Variants in PAFAH1B1 observed in about 807,000 individuals in gnomAD.
PAFAH1B1 encodes the protein platelet-activating factor acetylhydrolase IB subunit beta.
In PAFAH1B1, 2 loss-of-function variants were observed where a neutral mutation model predicts 57.5. The observed-to-expected ratio is 0.03, with a 90% CI of 0.01 to 0.11. The LOEUF (loss-of-function observed/expected upper bound fraction) is 0.11, where lower values mean the gene tolerates loss of function less well. Among genes scored for constraint, PAFAH1B1 ranks in the 10% least tolerant of loss-of-function variants. The probability of loss-of-function intolerance (pLI) is 1.00; values close to 1 mark genes in which losing one functional copy is unlikely to be tolerated. For synonymous variants in PAFAH1B1, 152 were observed against 169.6 expected (o/e 0.90, Z 0.81); for missense variants, 257 against 512.0 (o/e 0.50, Z 4.81).
chr17:2,638,311 G>A lies in PAFAH1B1; in HGVS notation c.23G>A (p.Arg8Gln), dbSNP rs372974127. Residue 8 changes from arginine (R) to glutamine (Q), a missense_variant, in exon 2 of 11, where the codon CGA becomes CAA. By Grantham distance (43) the Arg-to-Gln change is conservative. Transcript: ENST00000397195. The stretch of plus-strand genomic sequence containing the variant: ...AAGATGGTGCTGTCCCAGAGACAAC[G>A]AGATGAACTGTAAGTTTCTTTGTTT... MVLSQRQ[R>Q]DELNRAIADY... The A allele has an allele frequency of 3.1e-6, 5 of 1,612,892 alleles. No homozygotes were observed. The highest frequency in any genetic ancestry group is 2.2e-5 in the East Asian group (1 of 44,832).
intron 1 of PAFAH1B1, among the ~76,000 whole-genome samples, chr17:2,623,550 G>A (rs914673329): frequency 2.7e-5 from 4 of 149,048 alleles, no homozygotes; most frequent in African/African-American, 7.4e-5. Flanking sequence ...GAGCCACTGC[G>A]TCTGGCCAAA....
intron 7 of PAFAH1B1, among the ~76,000 whole-genome samples, chr17:2,673,267 G>GA (rs377501834): frequency 6.6e-6 from 1 of 152,300 alleles, no homozygotes; most frequent in East Asian, 1.9e-4. Context: ...CTATGTCCTT[G>GA]AGAAGCATTT....
chr17:2,634,992 G>A (rs758779121), intron 1 of PAFAH1B1, among the ~76,000 whole-genome samples: 14 of 151,876 alleles, frequency 9.2e-5, no homozygotes, highest in Non-Finnish European at 1.8e-4. Flanking sequence ...GTGAAACCCC[G>A]TCTTTACTAA....
chr17:2,648,031 G>A (rs1450169631), intron 2 of PAFAH1B1, among the ~76,000 whole-genome samples: 1 of 151,874 alleles, frequency 6.6e-6, no homozygotes, highest in African/African-American at 2.4e-5. Flanking sequence ...ATAAATAAAG[G>A]AAAGAGGTTT....
chr17:2,622,741 C>T (rs1418878182), intron 1 of PAFAH1B1, among the ~76,000 whole-genome samples: 1 of 152,206 alleles, frequency 6.6e-6, no homozygotes, highest in Non-Finnish European at 1.5e-5. Context: ...AGTAGGGACT[C>T]GTATGGGGGG....
intron 2 of PAFAH1B1, among the ~76,000 whole-genome samples, chr17:2,663,852 A>G (rs1240599305): frequency 6.6e-6 from 1 of 151,848 alleles, no homozygotes; most frequent in Non-Finnish European, 1.5e-5. Flanking sequence ...ATACCACCAC[A>G]CCTGGCTAAT....
intron 7 of PAFAH1B1, chr17:2,673,752 C>T (rs906174953): frequency 5.3e-5 from 17 of 323,430 alleles, no homozygotes; most frequent in Non-Finnish European, 8.8e-5. Flanking sequence ...ACTAGTTTTA[C>T]TCAGATTAGT....
At chr17:2,649,264 G>C (rs897779668) in intron 2 of PAFAH1B1, among the ~76,000 whole-genome samples, 10 of 145,100 alleles carry the variant, frequency 6.9e-5, no homozygotes, top group Admixed American at 7.0e-5. Flanking sequence ...CCTGAAACAA[G>C]ATGGCATACA....
chr17:2,667,766 T>C (rs867775187), intron 5 of PAFAH1B1, among the ~76,000 whole-genome samples: 1 of 152,072 alleles, frequency 6.6e-6, no homozygotes, highest in East Asian at 1.9e-4. Context: ...TGTGGGAATA[T>C]ACAAGCTTTT....
chr17:2,615,086 A>G (rs572621778), intron 1 of PAFAH1B1, among the ~76,000 whole-genome samples: 2 of 152,322 alleles, frequency 1.3e-5, no homozygotes, highest in East Asian at 3.9e-4. Context: ...TCAGTACTGA[A>G]CATGCAGTTT....
intron 1 of PAFAH1B1, among the ~76,000 whole-genome samples, chr17:2,635,949 A>G (rs888657345): frequency 2.1e-5 from 3 of 143,520 alleles, no homozygotes; most frequent in African/African-American, 7.8e-5. Context: ...AAAATAGAAA[A>G]ATACAAAAAA....
At chr17:2,597,155 G>A (rs1388855031) in intron 1 of PAFAH1B1, among the ~76,000 whole-genome samples, 8 of 152,134 alleles carry the variant, frequency 5.3e-5, no homozygotes, top group Non-Finnish European at 8.8e-5. Flanking sequence ...AGGAGCTTTA[G>A]TTCCAAGTGT....
At chr17:2,676,208 T>G (rs2069264842) in intron 8 of PAFAH1B1, 3 of 350,546 alleles carry the variant, frequency 8.6e-6, no homozygotes, top group South Asian at 7.2e-5. Context: ...CAAAACCCCA[T>G]CTCTACTAAA....
At chr17:2,650,810 G>A (rs778188624) in intron 2 of PAFAH1B1, among the ~76,000 whole-genome samples, 22 of 152,054 alleles carry the variant, frequency 1.4e-4, no homozygotes, top group Admixed American at 4.6e-4. Context: ...GTGCCTGTTC[G>A]GGGTGTTGCT....
intron 4 of PAFAH1B1, 39 bp from the exon 5 acceptor site, chr17:2,666,953 T>C: frequency 6.7e-7 from 1 of 1,484,504 alleles, no homozygotes; most frequent in Non-Finnish European, 9.4e-7. Context: ...CTATTTTTAT[T>C]GAAATCTATC....
At position 2,679,318 on chromosome 17, in the gene PAFAH1B1, G is replaced by A. The variant is rs549993613; in HGVS notation, c.1003-846G>A. On this transcript the variant is annotated intron_variant, in intron 9 of 10. Transcript: ENST00000397195. ...TTGCAAGAACAGAACTGCTGCGACA[G>A]GGGAAATATGGATGGATAGATGGAT... 7.2e-5 allele frequency among the ~76,000 whole-genome samples: 11 copies of A among 152,300 alleles called. No homozygotes were observed. The East Asian group carries it at 1.4e-3, about 19-fold the overall frequency.
intron 2 of PAFAH1B1, among the ~76,000 whole-genome samples, chr17:2,655,075 C>T (rs2068919537): frequency 2.0e-5 from 3 of 151,550 alleles, no homozygotes; most frequent in Non-Finnish European, 2.9e-5. Context: ...GCTGGGATTA[C>T]AGGTGTGAGC....
intron 1 of PAFAH1B1, among the ~76,000 whole-genome samples, 190 bp downstream of exon 1, chr17:2,594,196 C>T (rs2068057327): frequency 6.6e-6 from 1 of 152,118 alleles, no homozygotes; most frequent in South Asian, 2.1e-4. Flanking sequence ...GCCGCGACGG[C>T]CGTTGAGTGA....
intron 2 of PAFAH1B1, chr17:2,642,275 C>G (rs1010367720): frequency 1.3e-5 from 2 of 152,194 alleles, no homozygotes; most frequent in Non-Finnish European, 2.9e-5. Context: ...ATCCAAAATG[C>G]TTCAAAATCT....
Sources: allele counts gnomAD v4.1 joint callset (sites outside exome capture counted in the v4.1 genomes callset), GRCh38; gene constraint gnomAD v4.1.1; transcripts MANE v1.5; gene names NCBI Gene and HGNC (gene_info 2026-07-23, HGNC 2026-07-21).